RABL6: variants seen among roughly 807,000 people sequenced by gnomAD.
RABL6 encodes rab-like protein 6.
In RABL6, 28 loss-of-function variants were observed where a neutral mutation model predicts 72.9. The ratio of observed to expected loss-of-function variants is 0.38; its 90% CI spans 0.28 to 0.53. The LOEUF is 0.53. Ranked by LOEUF, RABL6 falls within the 20% of genes least tolerant of loss-of-function variation. The pLI, the probability that RABL6 is intolerant of heterozygous loss-of-function variation, is 0.80. For synonymous variants in RABL6, 477 were observed against 421.2 expected, an observed-to-expected ratio of 1.13 and a Z score of -1.62; for missense variants, 1,029 against 1,008.4, an observed-to-expected ratio of 1.02 and a Z score of -0.28.
intron 13 of RABL6, 71 bp downstream of exon 13, chr9:136,839,936 T>A: frequency 2.6e-6 from 4 of 1,540,052 alleles, no homozygotes; most frequent in Non-Finnish European, 3.5e-6. Context: ...TCCCAGCTGC[T>A]GGCCGCTGGC....
intron 1 of RABL6, chr9:136,821,477 C>A (rs1206582763): frequency 1.0e-6 from 1 of 985,286 alleles, no homozygotes; most frequent in African/African-American, 1.7e-5. Flanking sequence ...ACGTGGATGG[C>A]GCCGCCGTTC....
intron 1 of RABL6, 124 bp downstream of exon 1, chr9:136,808,450 G>T (rs1847918486): frequency 1.8e-6 from 2 of 1,097,876 alleles, no homozygotes; most frequent in Non-Finnish European, 2.3e-6. Context: ...CGCTGGGCCC[G>T]CCGGGCGCTC....
intron 1 of RABL6, among the ~76,000 whole-genome samples, chr9:136,815,945 A>G (rs1427848695): frequency 6.6e-6 from 1 of 152,190 alleles, no homozygotes; most frequent in Non-Finnish European, 1.5e-5. Context: ...CCATGAGGTT[A>G]AGTACAGGTA....
intron 11 of RABL6, 48 bp downstream of exon 11, chr9:136,839,169 C>T (rs1222464160): frequency 6.2e-7 from 1 of 1,601,378 alleles, no homozygotes; most frequent in Non-Finnish European, 8.5e-7. Flanking sequence ...CCGGGTGGGG[C>T]AGTTCAGGAC....
In RABL6 at chr9:136,839,406, C is replaced by T. The variant is rs769844597; in HGVS notation, c.1678C>T (p.Pro560Ser). 2 of 1,612,514 alleles carry T rather than the reference C, an allele frequency of 1.2e-6. No homozygotes were observed. Among genetic ancestry groups the T allele is most frequent in the Admixed American group, 3.3e-5 (2 of 59,946 alleles). The change falls in exon 12 of 15, where the codon CCC becomes TCC. Residue 560 changes from proline (P) to serine (S), a missense_variant. Around this residue, in one of 2 missense-constraint regions of RABL6, gnomAD observed 595 missense variants for 472.4 expected, o/e 1.26. Coordinates refer to ENST00000311502, the MANE Select transcript of RABL6 (RefSeq NM_024718.5). Reference protein sequence around the residue: ...ASSSESDPEGPIAAQMLSFVM... With the variant: ...ASSSESDPEGSIAAQMLSFVM... ...CTCGTCGGAGAGTGACCCCGAGGGACCCATTGCTGCACAAATGCTGTCCTT... is the reference window on the plus strand; with the variant it reads ...CTCGTCGGAGAGTGACCCCGAGGGATCCATTGCTGCACAAATGCTGTCCTT...
chr9:136,828,673 C>G, intron 4 of RABL6, 127 bp downstream of exon 4: 1 of 950,196 alleles, frequency 1.1e-6, no homozygotes, highest in Non-Finnish European at 1.6e-6. Context: ...GGGCCGCTGG[C>G]CTTCCCAACT....
Position 136,840,711 on chromosome 9 carries a change from G to A in RABL6, c.*189G>A. The A allele has an allele frequency of 6.5e-7, 1 of 1,548,748 alleles. No individual in the cohort carries two copies. Among genetic ancestry groups the A allele is most frequent in the Non-Finnish European group, 8.7e-7 (1 of 1,146,838 alleles). On this transcript the variant is annotated 3_prime_UTR_variant, in exon 15 of 15. Coordinates refer to ENST00000311502, the MANE Select transcript of RABL6 (RefSeq NM_024718.5). Reference sequence around the variant, plus strand: ...GGTGCTGGGCCTTCAGGCCCAGTGTGAGCCTGCTCTGCAAGAAGGGAGGGG... The same window carrying A: ...GGTGCTGGGCCTTCAGGCCCAGTGTAAGCCTGCTCTGCAAGAAGGGAGGGG...
rs367916248 is a variant in RABL6, at chr9:136,839,759, G to A, written c.1824G>A (p.Pro608=). 710 of 1,611,794 alleles carry A rather than the reference G, an allele frequency of 4.4e-4. 1 individual carries two copies. Among genetic ancestry groups the A allele is most frequent in the East Asian group, 3.1e-4 (14 of 44,848 alleles). The change falls in exon 13 of 15, where the codon CCG becomes CCA. Residue 608 remains proline, a synonymous_variant. Coordinates refer to ENST00000311502, the MANE Select transcript of RABL6 (RefSeq NM_024718.5). ...ACGAGGATGAGGGCCCTGCCGAGCC[G>A]CCCCCACCCCCCAAGCTCCCTCTCC... ...VTDEDEGPAE[P]PPPPKLPLPA...
In RABL6 at chr9:136,838,751, G is replaced by A. The variant is rs145610562; in HGVS notation, c.1281-158G>A. On this transcript the variant is annotated intron_variant, in intron 10 of 14. Coordinates refer to ENST00000311502, the MANE Select transcript of RABL6 (RefSeq NM_024718.5). ...CGACCCCTTCCTGCTCAGAAGCCCT[G>A]TGACCATGAGGGGGCCTCTCCACAA... Among the ~76,000 whole-genome samples the A allele has an allele frequency of 3.2e-4, 12 of 36,950 alleles. 1 individual carries two copies. In the South Asian group the frequency reaches 7.1e-3, roughly 22 times the overall value. The allele number at this position is 36,950 out of a possible 152,430, so 24.2% of individuals were successfully genotyped here. A position where few individuals can be genotyped will look rare whatever the true frequency, so the allele number is the denominator to read the frequency against.
At chr9:136,814,401 C>CAA (rs1039573717) in intron 1 of RABL6, 1 of 156,452 alleles carries the variant, frequency 6.4e-6, no homozygotes, top group Non-Finnish European at 1.4e-5. Context: ...AGGCTGGTCT[C>CAA]AAACTCCTGA....
intron 1 of RABL6, among the ~76,000 whole-genome samples, chr9:136,823,024 CTT>C (rs1376874577): frequency 4.0e-5 from 6 of 149,108 alleles, no homozygotes; most frequent in African/African-American, 1.5e-4. Flanking sequence ...GGAGGTGGAG[CTT>C]GCAGTGAGCC....
At chr9:136,828,589 C>CG in intron 4 of RABL6, 43 bp downstream of exon 4, 2 of 1,596,884 alleles carry the variant, frequency 1.3e-6, no homozygotes, top group Non-Finnish European at 8.6e-7. Context: ...CTCAGGGCCC[C>CG]GGGGTGCGTG....
Position 136,826,528 on chromosome 9 carries a change from C to T in RABL6, c.313+702C>T, listed in dbSNP as rs142240397. ...GGTGTCTGTTCGGATGGCGCATGCTCCCCTCCCTCCACCTGTGCTTTGTTG... is the reference window on the plus strand; with the variant it reads ...GGTGTCTGTTCGGATGGCGCATGCTTCCCTCCCTCCACCTGTGCTTTGTTG... On this transcript the variant is annotated intron_variant, in intron 3 of 14. Coordinates refer to ENST00000311502, the MANE Select transcript of RABL6 (RefSeq NM_024718.5). The surrounding 1 kb of genome is among the most constrained non-coding windows in gnomAD (Gnocchi z 4.9). 466 of 152,624 alleles carry T rather than the reference C, an allele frequency of 3.1e-3. 1 individual carries two copies. The highest frequency in any genetic ancestry group is 9.3e-3 in the Admixed American group (142 of 15,278). 9.5% of individuals were successfully genotyped at this position (152,624 alleles called of 1,614,324 possible). A position where few individuals can be genotyped will look rare whatever the true frequency, so the allele number is the denominator to read the frequency against.
chr9:136,811,489 G>T (rs867689532), intron 1 of RABL6, among the ~76,000 whole-genome samples: 1 of 151,958 alleles, frequency 6.6e-6, no homozygotes, highest in Non-Finnish European at 1.5e-5. Context: ...GTGATGGTGG[G>T]TGCCTGTAAT....
In RABL6 at chr9:136,808,187, G is replaced by A. The variant is rs763877261; in HGVS notation, c.-10G>A. The A allele has an allele frequency of 7.9e-6, 12 of 1,514,210 alleles. No homozygotes were observed. The highest frequency in any genetic ancestry group is 9.7e-6 in the Non-Finnish European group (11 of 1,131,508). 93.8% of individuals were successfully genotyped at this position (1,514,210 alleles called of 1,614,324 possible). A position where few individuals can be genotyped will look rare whatever the true frequency, so the allele number is the denominator to read the frequency against. On this transcript the variant is annotated 5_prime_UTR_variant, in exon 1 of 15. Transcript: ENST00000311502. ...CGGCCGCGCCCGGGCTGGGACGTCCGAGCGGGAAGATGTTTTCCGCCCTGA... is the reference window on the plus strand; with the variant it reads ...CGGCCGCGCCCGGGCTGGGACGTCCAAGCGGGAAGATGTTTTCCGCCCTGA...
Position 136,837,569 on chromosome 9 carries a change from C to T in RABL6, c.1033C>T (p.Pro345Ser). Residue 345 changes from proline (P) to serine (S), a missense_variant, in exon 9 of 15, where the codon CCT (proline) becomes TCT (serine). Pro to Ser is a moderately conservative substitution (Grantham distance 74, BLOSUM62 -1). Coordinates refer to ENST00000311502, the MANE Select transcript of RABL6 (RefSeq NM_024718.5). ...ACCACCCTCAGAGGCCCTGCCCCCACCTGCGTGCCCCTCAGCCCCCGCCCC... is the reference window on the plus strand; with the variant it reads ...ACCACCCTCAGAGGCCCTGCCCCCATCTGCGTGCCCCTCAGCCCCCGCCCC... ...PVPPSEALPP[P>S]ACPSAPAPRR... 3 of 1,575,678 alleles carry T rather than the reference C, an allele frequency of 1.9e-6. No individual in the cohort carries two copies. Among genetic ancestry groups the T allele is most frequent in the Non-Finnish European group, 2.6e-6 (3 of 1,163,610 alleles).
chr9:136,811,699 C>T (rs959220353), intron 1 of RABL6, among the ~76,000 whole-genome samples: 2 of 152,142 alleles, frequency 1.3e-5, no homozygotes, highest in African/African-American at 4.8e-5. Flanking sequence ...CACCACGTTG[C>T]CCAGCTGGGC....
At chr9:136,839,612 C>T (rs543585820) in intron 12 of RABL6, 82 bp from the exon 13 acceptor site, 38 of 1,545,068 alleles carry the variant, frequency 2.5e-5, no homozygotes, top group Non-Finnish European at 3.2e-5. Flanking sequence ...ACACTTGGGC[C>T]TTGCCGGCCT....
intron 7 of RABL6, chr9:136,833,785 G>A (rs972826736): frequency 1.7e-5 from 26 of 1,550,402 alleles, no homozygotes; most frequent in Admixed American, 9.8e-5. Flanking sequence ...AAGTGAGGAT[G>A]CCTGCAGGCT....
Sources: gnomAD v4.1 joint callset for allele counts (sites outside exome capture counted in the v4.1 genomes callset) on GRCh38, gnomAD v4.1.1 for gene constraint, gnomAD v4.1.1 regional missense constraint, Gnocchi (gnomAD v3.1) non-coding constraint, MANE v1.5 for transcripts, NCBI Gene and HGNC (gene_info 2026-07-23, HGNC 2026-07-21) for gene names.